Variants in N4BP2 observed in about 807,000 individuals in gnomAD.
N4BP2 encodes NEDD4-binding protein 2.
A neutral mutation model predicts 152.8 loss-of-function variants in N4BP2; 91 were observed. The ratio of observed to expected loss-of-function variants is 0.60; its 90% CI spans 0.50 to 0.71. The LOEUF is 0.71. Among genes scored for constraint, N4BP2 ranks in the 30% least tolerant of loss-of-function variants. The pLI, the probability that N4BP2 is intolerant of heterozygous loss-of-function variation, is 0.00. For missense variants in N4BP2, 1,923 were observed against 2,059.1 expected (o/e 0.93, Z 1.28); for synonymous variants, 646 against 705.3 (o/e 0.92, Z 1.33).
intron 7 of N4BP2, among the ~76,000 whole-genome samples, chr4:40,114,737 T>C (rs1346281736): frequency 1.3e-5 from 2 of 152,018 alleles, no homozygotes; most frequent in Non-Finnish European, 2.9e-5. Context: ...GTATCTCCTC[T>C]TTTCTTCTTT....
chr4:40,132,028 C>T (rs960195940), intron 13 of N4BP2, 109 bp downstream of exon 13: 3 of 764,814 alleles, frequency 3.9e-6, no homozygotes, highest in Non-Finnish European at 6.7e-6. Flanking sequence ...GTAGTCTCTC[C>T]TAATCTGTGG....
At chr4:40,093,175 C>T (rs1421544804) in intron 2 of N4BP2, among the ~76,000 whole-genome samples, 2 of 151,614 alleles carry the variant, frequency 1.3e-5, no homozygotes, top group South Asian at 2.1e-4. Flanking sequence ...AACTCCTGAC[C>T]TCAGGTGATC....
At chr4:40,149,396 T>G (rs2109278734) in intron 16 of N4BP2, among the ~76,000 whole-genome samples, 1 of 152,268 alleles carries the variant, frequency 6.6e-6, no homozygotes, top group East Asian at 1.9e-4. Context: ...AGACAAAAAT[T>G]TGATTAGTGG....
In N4BP2 at chr4:40,106,907, C is replaced by G; in HGVS notation, c.1381C>G (p.Gln461Glu). ...SGKSFLARTLQEDNPSGVILS... is the reference protein window; with the variant it reads ...SGKSFLARTLEEDNPSGVILS... Reference sequence around the variant, plus strand: ...TTCATTTATCTTTCACAGGACTTTGCAAGAGGATAATCCAAGTGGAGTCAT... The same window carrying G: ...TTCATTTATCTTTCACAGGACTTTGGAAGAGGATAATCCAAGTGGAGTCAT... Residue 461 changes from glutamine (Q) to glutamate (E), a missense_variant, in exon 5 of 18, where the codon CAA becomes GAA. Gln to Glu is a conservative substitution (Grantham distance 29). Coordinates refer to ENST00000261435, the MANE Select transcript of N4BP2 (RefSeq NM_018177.6). The G allele has an allele frequency of 1.9e-6, 3 of 1,604,434 alleles. No homozygotes were observed. The African/African-American group carries it at 4.0e-5, about 21-fold the overall frequency.
At chr4:40,175,259 T>C in the N4BP2 span, among the ~76,000 whole-genome samples, 4 of 149,312 alleles carry the variant, frequency 2.7e-5, no homozygotes, top group Non-Finnish European at 5.9e-5. Flanking sequence ...TTGGAACTCC[T>C]GGCCATATGT....
intron 16 of N4BP2, among the ~76,000 whole-genome samples, chr4:40,152,376 T>C (rs368264111): frequency 2.0e-5 from 3 of 152,204 alleles, no homozygotes; most frequent in African/African-American, 7.2e-5. Context: ...ACAGGGTTGT[T>C]GTGAAGATTC....
At chr4:40,130,248 T>C (rs895316705) in intron 12 of N4BP2, among the ~76,000 whole-genome samples, 1 of 151,926 alleles carries the variant, frequency 6.6e-6, no homozygotes, top group African/African-American at 2.4e-5. Flanking sequence ...CAGGCTGGTC[T>C]CGAACTCCTG....
At chr4:40,088,235 C>G (rs890918721) in intron 2 of N4BP2, among the ~76,000 whole-genome samples, 8 of 152,054 alleles carry the variant, frequency 5.3e-5, no homozygotes, top group Admixed American at 1.3e-4. Flanking sequence ...ATGAATAAAG[C>G]TGCTGTAAAC....
chr4:40,149,845 C>T (rs189430736), intron 16 of N4BP2, among the ~76,000 whole-genome samples: 39 of 149,490 alleles, frequency 2.6e-4, no homozygotes, highest in East Asian at 2.6e-3. Flanking sequence ...TGCAATGAGC[C>T]GAGATCGAGC....
the N4BP2 span, among the ~76,000 whole-genome samples, chr4:40,173,207 C>G: frequency 6.6e-6 from 1 of 152,156 alleles, no homozygotes; most frequent in Non-Finnish European, 1.5e-5. Context: ...CCTCTGTTCT[C>G]CCACCTCAGC....
At chr4:40,106,253 T>C (rs1716271901) in intron 4 of N4BP2, among the ~76,000 whole-genome samples, 2 of 152,202 alleles carry the variant, frequency 1.3e-5, no homozygotes, top group Admixed American at 1.3e-4. Flanking sequence ...GGAATTAAAC[T>C]TCTGCTTAGA....
chr4:40,082,560 G>A (rs187062756), intron 2 of N4BP2, among the ~76,000 whole-genome samples: 10 of 152,236 alleles, frequency 6.6e-5, no homozygotes, highest in Non-Finnish European at 1.3e-4. Flanking sequence ...AGGATTATGT[G>A]GAAGAGTTAG....
intron 2 of N4BP2, among the ~76,000 whole-genome samples, chr4:40,091,291 G>A (rs1222598202): frequency 2.0e-5 from 3 of 151,750 alleles, no homozygotes; most frequent in Non-Finnish European, 4.4e-5. Context: ...AGAACTTCCA[G>A]CATTATTTTG....
intron 1 of N4BP2, among the ~76,000 whole-genome samples, chr4:40,067,054 CTTT>C (rs34768159): frequency 9.4e-4 from 86 of 91,594 alleles, no homozygotes; most frequent in African/African-American, 1.5e-3. Context: ...ACCTAATTTC[CTTT>C]TTTTTTTTTT....
At chr4:40,183,654 A>G in the N4BP2 span, among the ~76,000 whole-genome samples, 1 of 152,154 alleles carries the variant, frequency 6.6e-6, no homozygotes, top group African/African-American at 2.4e-5. Flanking sequence ...ACATTTTATA[A>G]GAGGTTGGTA....
intron 2 of N4BP2, among the ~76,000 whole-genome samples, chr4:40,096,725 T>G (rs1463558570): frequency 1.3e-5 from 2 of 152,204 alleles, no homozygotes; most frequent in Non-Finnish European, 2.9e-5. Flanking sequence ...ATTCTGGATA[T>G]GTTTTGAGAG....
intron 4 of N4BP2, among the ~76,000 whole-genome samples, chr4:40,106,525 G>A (rs914280619): frequency 2.0e-5 from 3 of 151,920 alleles, no homozygotes; most frequent in African/African-American, 4.8e-5. Context: ...CTATGTTGCC[G>A]AGGCTGATTT....
chr4:40,124,878 T>A (rs1162787382), intron 11 of N4BP2, among the ~76,000 whole-genome samples: 1 of 152,204 alleles, frequency 6.6e-6, no homozygotes, highest in East Asian at 1.9e-4. Flanking sequence ...ATTACTTGGT[T>A]ATTCAAAGTT....
At chr4:40,178,074 C>T in the N4BP2 span, among the ~76,000 whole-genome samples, 8 of 151,848 alleles carry the variant, frequency 5.3e-5, no homozygotes, top group South Asian at 1.3e-3. Context: ...GCAGGAGAAT[C>T]GCTTGAACCC....
Sources: gnomAD v4.1 joint callset for allele counts (sites outside exome capture counted in the v4.1 genomes callset) on GRCh38, gnomAD v4.1.1 for gene constraint, MANE v1.5 for transcripts, NCBI Gene and HGNC (gene_info 2026-07-23, HGNC 2026-07-21) for gene names.